Variants in ACOT1 observed in about 807,000 individuals in gnomAD.
ACOT1 encodes the protein acyl-CoA thioesterase 1.
A neutral mutation model predicts 15.7 loss-of-function variants in ACOT1; 8 were observed. The ratio of observed to expected loss-of-function variants is 0.51; its 90% confidence interval spans 0.30 to 0.92. The LOEUF (loss-of-function observed/expected upper bound fraction) is 0.92. Ranked by LOEUF, ACOT1 falls within the 40% of genes least tolerant of loss-of-function variation. The pLI is 0.06. For missense variants in ACOT1, 151 were observed against 539.4 expected (o/e 0.28, Z 7.13); for synonymous variants, 67 against 241.2 (o/e 0.28, Z 6.69).
the ACOT1 span, chr14:73,492,067 G>C: frequency 1.2e-6 from 2 of 1,614,028 alleles, no homozygotes; most frequent in Non-Finnish European, 1.7e-6. The surrounding 1 kb of genome is among the most constrained non-coding windows in gnomAD (Gnocchi z 4.9). Flanking sequence ...TCGTGCTGCA[G>C]CTGGAAGGTA....
chr14:73,492,740 C>T, the ACOT1 span: 1 of 1,613,898 alleles, frequency 6.2e-7, no homozygotes, highest in Non-Finnish European at 8.5e-7. This position sits in a 1 kb window ranked among gnomAD's most constrained non-coding sequence, Gnocchi z 4.9. Flanking sequence ...GGAAAACTCC[C>T]GTGTGTATCA....
At chr14:73,494,463 A>G in the ACOT1 span, among the ~76,000 whole-genome samples, 15 of 152,232 alleles carry the variant, frequency 9.9e-5, no homozygotes, top group African/African-American at 3.4e-4. Flanking sequence ...TTCTTTTTAA[A>G]AAAGTTACAA....
chr14:73,493,578 C>T, the ACOT1 span, among the ~76,000 whole-genome samples: 1 of 152,128 alleles, frequency 6.6e-6, no homozygotes, highest in Non-Finnish European at 1.5e-5. Flanking sequence ...GTACTCATGC[C>T]TGTAATCCTA....
At chr14:73,522,146 C>T in the ACOT1 span, 22 of 967,810 alleles carry the variant, frequency 2.3e-5, no homozygotes, top group South Asian at 4.8e-5. Context: ...GAGAGCAGGC[C>T]GGTGGTGGAG....
At chr14:73,523,416 G>A in the ACOT1 span, among the ~76,000 whole-genome samples, 1 of 152,312 alleles carries the variant, frequency 6.6e-6, no homozygotes, top group East Asian at 1.9e-4. Flanking sequence ...CGTGTTTTTG[G>A]TTCTTATACT....
chr14:73,514,442 G>C, the ACOT1 span, among the ~76,000 whole-genome samples: 1 of 152,106 alleles, frequency 6.6e-6, no homozygotes, highest in African/African-American at 2.4e-5. Context: ...GGTAAGCCAT[G>C]ATGATGATGG....
At chr14:73,515,391 C>A in the ACOT1 span, among the ~76,000 whole-genome samples, 3 of 151,884 alleles carry the variant, frequency 2.0e-5, no homozygotes, top group Non-Finnish European at 2.9e-5. Flanking sequence ...TAAAAAGAGT[C>A]CTGTGAGGCG....
the ACOT1 span, among the ~76,000 whole-genome samples, chr14:73,503,177 G>A: frequency 6.6e-6 from 1 of 152,124 alleles, no homozygotes; most frequent in Non-Finnish European, 1.5e-5. Flanking sequence ...CAGTGGGGCA[G>A]ATATTACTAC....
the ACOT1 span, among the ~76,000 whole-genome samples, chr14:73,527,563 T>C: frequency 7.0e-6 from 1 of 142,628 alleles, no homozygotes; most frequent in Non-Finnish European, 1.5e-5. Flanking sequence ...AGAAAAAAAA[T>C]CAAGCATCAC....
the ACOT1 span, chr14:73,492,288 A>C: frequency 1.2e-6 from 2 of 1,614,032 alleles, no homozygotes; most frequent in Non-Finnish European, 1.7e-6. The surrounding 1 kb of genome is among the most constrained non-coding windows in gnomAD (Gnocchi z 4.9). Flanking sequence ...TCCACGTACC[A>C]GCGCAATACC....
chr14:73,512,126 C>A, the ACOT1 span: 1 of 1,614,188 alleles, frequency 6.2e-7, no homozygotes, highest in Non-Finnish European at 8.5e-7. Flanking sequence ...AGGTTCTCTA[C>A]TGTCTCATGG....
the ACOT1 span, among the ~76,000 whole-genome samples, chr14:73,528,380 G>A: frequency 6.1e-5 from 5 of 81,536 alleles, no homozygotes; most frequent in African/African-American, 1.6e-4. Flanking sequence ...CGACAAGAGC[G>A]AAACTTCATC....
chr14:73,505,708 A>G, the ACOT1 span, among the ~76,000 whole-genome samples: 1 of 150,904 alleles, frequency 6.6e-6, no homozygotes, highest in Non-Finnish European at 1.5e-5. Flanking sequence ...TATGTTTTAT[A>G]TGTGTGTGCC....
the ACOT1 span, chr14:73,491,171 G>A: frequency 6.2e-7 from 1 of 1,602,338 alleles, no homozygotes; most frequent in South Asian, 1.1e-5. Context: ...CCGCATGGCA[G>A]CGCTGAGGAC....
At chr14:73,520,352 G>A in the ACOT1 span, 1 of 153,342 alleles carries the variant, frequency 6.5e-6, no homozygotes, top group Admixed American at 6.5e-5. Context: ...GTGCATTTTT[G>A]TTAACATCAC....
At chr14:73,502,299 C>G in the ACOT1 span, among the ~76,000 whole-genome samples, 1 of 152,004 alleles carries the variant, frequency 6.6e-6, no homozygotes, top group East Asian at 1.9e-4. Flanking sequence ...GCCATTTGTT[C>G]TAGTTTTTAA....
At chr14:73,490,936 G>A in the ACOT1 span, 2 of 1,272,226 alleles carry the variant, frequency 1.6e-6, no homozygotes, top group Non-Finnish European at 2.0e-6. Flanking sequence ...CCTTCCCAGA[G>A]TGCACCGCAG....
chr14:73,492,325 G>T, the ACOT1 span: 1 of 1,614,016 alleles, frequency 6.2e-7, no homozygotes, highest in South Asian at 1.1e-5. The surrounding 1 kb of genome is among the most constrained non-coding windows in gnomAD (Gnocchi z 4.9). Context: ...AGGCCATACT[G>T]CCTCTGGCAG....
At chr14:73,527,260 C>A in the ACOT1 span, 2 of 151,908 alleles carry the variant, frequency 1.3e-5, no homozygotes, top group African/African-American at 2.4e-5. Context: ...TGACCATCCA[C>A]AAGCATCAAG....
Sources: gnomAD v4.1 joint callset for allele counts (sites outside exome capture counted in the v4.1 genomes callset) on GRCh38, gnomAD v4.1.1 for gene constraint, Gnocchi (gnomAD v3.1) non-coding constraint, MANE v1.5 for transcripts, NCBI Gene and HGNC (gene_info 2026-07-23, HGNC 2026-07-21) for gene names.